Variants in TP63 observed in about 807,000 individuals in gnomAD.
TP63 encodes tumor protein p63.
In TP63, 17 loss-of-function variants were observed where a neutral mutation model predicts 82.8. The ratio of observed to expected loss-of-function variants is 0.21; its 90% CI spans 0.14 to 0.31. The LOEUF is 0.31. TP63 is among the 10% of genes least tolerant of loss of function. The probability of loss-of-function intolerance (pLI) is 1.00; values close to 1 mark genes in which losing one functional copy is unlikely to be tolerated. For missense variants in TP63, 648 were observed against 895.3 expected (o/e 0.72, Z 3.52); for synonymous variants, 330 against 321.7 (o/e 1.03, Z -0.28).
At chr3:189,692,330 T>C (rs571854148) in intron 1 of TP63, among the ~76,000 whole-genome samples, 69 of 152,100 alleles carry the variant, frequency 4.5e-4, no homozygotes, top group Non-Finnish European at 9.1e-4. Flanking sequence ...TTCCCTCTGT[T>C]CTCTATTTCT....
chr3:189,689,051 A>C (rs966394192), intron 1 of TP63, among the ~76,000 whole-genome samples: 2 of 142,710 alleles, frequency 1.4e-5, no homozygotes. Flanking sequence ...TACTCTTCTA[A>C]TTTCATCAAC....
intron 4 of TP63, among the ~76,000 whole-genome samples, chr3:189,830,329 C>T (rs1238747790): frequency 6.6e-6 from 1 of 152,120 alleles, no homozygotes; most frequent in African/African-American, 2.4e-5. Context: ...CATCTACCTT[C>T]AATTTGACTT....
intron 4 of TP63, among the ~76,000 whole-genome samples, chr3:189,859,819 C>A (rs1456637410): frequency 6.6e-6 from 1 of 152,026 alleles, no homozygotes; most frequent in African/African-American, 2.4e-5. Context: ...TTCAAAAATA[C>A]AATGGAATGC....
rs1211420957 is a variant in TP63, at chr3:189,631,404, T to C, written c.-112T>C. 6.3e-7 allele frequency: 1 copy of C among 1,576,894 alleles called. No individual in the cohort carries two copies. Among genetic ancestry groups the C allele is most frequent in the African/African-American group, 1.4e-5 (1 of 72,968 alleles). ...GCCTAAACTTCTATGTCTGATAGCA[T>C]TTGACCCTATTGCTTTTAGCCTCCC... is the stretch of plus-strand genomic sequence containing the variant. On this transcript the variant is annotated 5_prime_UTR_variant, in exon 1 of 14. Coordinates refer to ENST00000264731, the MANE Select transcript of TP63 (RefSeq NM_003722.5).
intron 3 of TP63, among the ~76,000 whole-genome samples, chr3:189,790,996 AT>A (rs1163286887): frequency 6.6e-6 from 1 of 152,116 alleles, no homozygotes; most frequent in Admixed American, 6.6e-5. Context: ...GGAAGTGCCT[AT>A]TTTTCTTTAA....
At chr3:189,599,547 G>A in the TP63 span, among the ~76,000 whole-genome samples, 1 of 152,166 alleles carries the variant, frequency 6.6e-6, no homozygotes, top group Non-Finnish European at 1.5e-5. Flanking sequence ...AAAGTGAATA[G>A]TGATGGGAAG....
At chr3:189,683,956 G>A (rs1018089640) in intron 1 of TP63, among the ~76,000 whole-genome samples, 16 of 152,154 alleles carry the variant, frequency 1.1e-4, no homozygotes, top group African/African-American at 3.6e-4. Context: ...TACATTCAAA[G>A]TTCAAAACTA....
rs573414721 is a variant in TP63, at chr3:189,746,056, A to C, written c.324+7282A>C. Reference sequence around the variant, plus strand: ...CAAGATATTTATATATCCAGATATGAGTTTCGGAACTCTCCAAATAGACAC... The same window carrying C: ...CAAGATATTTATATATCCAGATATGCGTTTCGGAACTCTCCAAATAGACAC... On this transcript the variant is annotated intron_variant, in intron 3 of 13. Transcript: ENST00000264731. Among the ~76,000 whole-genome samples the C allele has an allele frequency of 6.6e-5, 10 of 152,276 alleles. No homozygotes were observed. The South Asian group carries it at 2.1e-3, about 32-fold the overall frequency.
chr3:189,753,734 T>C (rs1341015547), intron 3 of TP63, among the ~76,000 whole-genome samples: 1 of 152,072 alleles, frequency 6.6e-6, no homozygotes, highest in African/African-American at 2.4e-5. Context: ...CCTGTGCTCC[T>C]CCCTTTCTTT....
At chr3:189,626,130 T>A in the TP63 span, among the ~76,000 whole-genome samples, 2 of 152,194 alleles carry the variant, frequency 1.3e-5, no homozygotes, top group African/African-American at 4.8e-5. Context: ...TACCATTCAG[T>A]TTACTTAAGT....
chr3:189,607,744 C>T, the TP63 span, among the ~76,000 whole-genome samples: 1 of 151,844 alleles, frequency 6.6e-6, no homozygotes, highest in Non-Finnish European at 1.5e-5. Flanking sequence ...TTAAGCCAAA[C>T]CCAGGAGGAA....
At position 189,837,308 on chromosome 3, in the gene TP63, ATCTACC is replaced by A. The variant is rs1713301056; in HGVS notation, c.580-26923_580-26918del. Among the ~76,000 whole-genome samples the A allele has an allele frequency of 2.6e-5, 4 of 151,996 alleles. No homozygotes were observed. In the South Asian group the frequency reaches 8.3e-4, roughly 32 times the overall value. ...GTAATTTGGTTAATAATCCTCATCT[ATCTACC>A]AGAAACTTAAGAGTTGTTATCATCC... is the stretch of plus-strand genomic sequence containing the variant. On this transcript the variant is annotated intron_variant, in intron 4 of 13. Coordinates refer to ENST00000264731, the MANE Select transcript of TP63 (RefSeq NM_003722.5).
chr3:189,604,185 C>T, the TP63 span, among the ~76,000 whole-genome samples: 2 of 152,272 alleles, frequency 1.3e-5, no homozygotes, highest in South Asian at 2.1e-4. Flanking sequence ...ACTCCCACCT[C>T]GGAACCTTTA....
At chr3:189,833,118 CCAT>C (rs994439225) in intron 4 of TP63, among the ~76,000 whole-genome samples, 30 of 152,176 alleles carry the variant, frequency 2.0e-4, no homozygotes, top group African/African-American at 7.0e-4. Context: ...GCCTCCACCA[CCAT>C]GAGGTTGAAA....
chr3:189,848,013 T>A (rs1266939706), intron 4 of TP63, among the ~76,000 whole-genome samples: 1 of 152,180 alleles, frequency 6.6e-6, no homozygotes, highest in Non-Finnish European at 1.5e-5. Context: ...TTTGGCCTCA[T>A]ACTATAACTG....
intron 4 of TP63, 52 bp from the exon 5 acceptor site, chr3:189,864,180 A>G (rs1454459029): frequency 6.2e-7 from 1 of 1,609,310 alleles, no homozygotes; most frequent in East Asian, 2.2e-5. Context: ...ATGTAACAAT[A>G]TCTCCTGTTG....
intron 1 of TP63, among the ~76,000 whole-genome samples, chr3:189,723,899 G>C (rs1001411072): frequency 2.6e-5 from 4 of 152,092 alleles, no homozygotes; most frequent in African/African-American, 9.7e-5. Context: ...GCCAAAAATA[G>C]TGTGCACCCT....
intron 3 of TP63, among the ~76,000 whole-genome samples, chr3:189,782,772 A>G (rs1036572845): frequency 1.3e-5 from 2 of 152,168 alleles, no homozygotes; most frequent in African/African-American, 4.8e-5. Flanking sequence ...CAATGGGAGT[A>G]CAGATGAATA....
At chr3:189,721,652 G>A (rs1560134647) in intron 1 of TP63, among the ~76,000 whole-genome samples, 1 of 152,090 alleles carries the variant, frequency 6.6e-6, no homozygotes, top group Non-Finnish European at 1.5e-5. Flanking sequence ...AACCACCTGG[G>A]AGGCTCTCGC....
Sources: allele counts gnomAD v4.1 joint callset (sites outside exome capture counted in the v4.1 genomes callset), GRCh38; gene constraint gnomAD v4.1.1; transcripts MANE v1.5; gene names NCBI Gene and HGNC (gene_info 2026-07-23, HGNC 2026-07-21).